The following TMEM132B variants were observed in gnomAD, a reference collection of about 807,000 sequenced individuals.
TMEM132B encodes transmembrane protein 132B.
A neutral mutation model predicts 90.8 loss-of-function variants in TMEM132B; 18 were observed. That is an observed-to-expected ratio of 0.20 (90% CI 0.14 to 0.29). The LOEUF (loss-of-function observed/expected upper bound fraction) is 0.29. Among genes scored for constraint, TMEM132B ranks in the 10% least tolerant of loss-of-function variants. The pLI, the probability that TMEM132B is intolerant of heterozygous loss-of-function variation, is 1.00. For synonymous variants in TMEM132B, 504 were observed against 523.3 expected, an observed-to-expected ratio of 0.96 and a Z score of 0.50; for missense variants, 1,096 against 1,326.8, an observed-to-expected ratio of 0.83 and a Z score of 2.70.
chr12:125,295,310 T>C (rs1232845875), intron 1 of TMEM132B, among the ~76,000 whole-genome samples: 1 of 152,108 alleles, frequency 6.6e-6, no homozygotes, highest in Non-Finnish European at 1.5e-5. Flanking sequence ...CAGGGATCTA[T>C]GAGATGTTCG....
At chr12:125,443,638 A>T (rs947819134) in intron 3 of TMEM132B, among the ~76,000 whole-genome samples, 3 of 152,202 alleles carry the variant, frequency 2.0e-5, no homozygotes, top group Non-Finnish European at 2.9e-5. Flanking sequence ...GTTTCTTAAG[A>T]TAGAAAGTGA....
At chr12:125,622,916 C>G (rs1407308206) in intron 5 of TMEM132B, among the ~76,000 whole-genome samples, 1 of 152,148 alleles carries the variant, frequency 6.6e-6, no homozygotes, top group Non-Finnish European at 1.5e-5. Flanking sequence ...TTAGAAAACA[C>G]AAGCCCTGCA....
chr12:125,391,889 C>T (rs2136303753), intron 2 of TMEM132B, among the ~76,000 whole-genome samples: 1 of 152,172 alleles, frequency 6.6e-6, no homozygotes, highest in East Asian at 1.9e-4. Context: ...GCCTTAGCCT[C>T]CTGAGTAGCT....
At chr12:125,325,669 CTGTGTGTGTGTGTGTGTGTGTGTG>C (rs59220510) in intron 1 of TMEM132B, among the ~76,000 whole-genome samples, 10 of 124,318 alleles carry the variant, frequency 8.0e-5, no homozygotes, top group Non-Finnish European at 1.2e-4. Context: ...GCCTCCCACC[CTGTGTGTGTGTGTGTGTGTGTGTG>C]TGTGTGTGTG....
chr12:125,205,169 T>G (rs1448229216), intron 1 of TMEM132B, among the ~76,000 whole-genome samples: 4 of 134,814 alleles, frequency 3.0e-5, no homozygotes, highest in South Asian at 2.5e-4. Flanking sequence ...AGGGCTCCAT[T>G]AACCAGGCAC....
intron 1 of TMEM132B, among the ~76,000 whole-genome samples, chr12:125,228,898 T>C (rs1873747414): frequency 6.6e-6 from 1 of 152,312 alleles, no homozygotes; most frequent in Non-Finnish European, 1.5e-5. Flanking sequence ...GTACTGGGGC[T>C]TCTTTGACTA....
rs150450795 is a variant in TMEM132B, at chr12:125,574,121, T to C, written c.1294-9730T>C. ...ATGAACTGATGACCTTGTTTGGGCA[T>C]CTCTCTCAGTAAAGATACCCATAGG... is the stretch of plus-strand genomic sequence containing the variant. On this transcript the variant is annotated intron_variant, in intron 4 of 8. Coordinates refer to ENST00000682704, the MANE Select transcript of TMEM132B (RefSeq NM_001366854.1). 3.4e-3 allele frequency among the ~76,000 whole-genome samples: 519 copies of C among 152,158 alleles called. 3 individuals are homozygous for C. Among genetic ancestry groups the C allele is most frequent in the Non-Finnish European group, 5.5e-3 (374 of 67,982 alleles).
intron 2 of TMEM132B, among the ~76,000 whole-genome samples, chr12:125,353,765 C>A (rs928649171): frequency 6.6e-6 from 1 of 152,056 alleles, no homozygotes; most frequent in South Asian, 2.1e-4. Context: ...CAAGGAGGGG[C>A]CCAGTCAGGC....
At chr12:125,491,621 A>G (rs1040894789) in intron 3 of TMEM132B, among the ~76,000 whole-genome samples, 2 of 152,228 alleles carry the variant, frequency 1.3e-5, no homozygotes, top group Non-Finnish European at 2.9e-5. Context: ...TGTCTCAGAT[A>G]TGGCTTCCTG....
chr12:125,295,618 G>A (rs1875655820), intron 1 of TMEM132B, among the ~76,000 whole-genome samples: 3 of 152,056 alleles, frequency 2.0e-5, no homozygotes, highest in Admixed American at 1.3e-4. Flanking sequence ...ATGATGTCTT[G>A]TATCTCCTTA....
chr12:125,339,036 A>G (rs1411647039), intron 1 of TMEM132B, among the ~76,000 whole-genome samples: 5 of 152,110 alleles, frequency 3.3e-5, no homozygotes, highest in Non-Finnish European at 7.4e-5. Context: ...CACACTCTCA[A>G]TGTGTAGATC....
At chr12:125,626,473 A>G (rs557516838) in intron 5 of TMEM132B, among the ~76,000 whole-genome samples, 1 of 152,310 alleles carries the variant, frequency 6.6e-6, no homozygotes, top group South Asian at 2.1e-4. Flanking sequence ...GCTTTTCTCC[A>G]TAGTGGTTGT....
At chr12:125,228,196 G>T (rs1371459024) in intron 1 of TMEM132B, among the ~76,000 whole-genome samples, 2 of 152,044 alleles carry the variant, frequency 1.3e-5, no homozygotes, top group African/African-American at 2.4e-5. Context: ...TCCGCCTCTC[G>T]GTTTCCGAGC....
At chr12:125,501,528 TCCCCA>T (rs905949962) in intron 3 of TMEM132B, among the ~76,000 whole-genome samples, 2 of 152,152 alleles carry the variant, frequency 1.3e-5, no homozygotes, top group African/African-American at 4.8e-5. Flanking sequence ...GGTCTCCCTT[TCCCCA>T]CCCCACCCCC....
chr12:125,277,582 G>A lies in TMEM132B; in HGVS notation c.68-71870G>A, dbSNP rs762151458. On this transcript the variant is annotated intron_variant, in intron 1 of 8. Coordinates refer to ENST00000682704, the MANE Select transcript of TMEM132B (RefSeq NM_001366854.1). This position sits in a 1 kb window ranked among gnomAD's most constrained non-coding sequence, Gnocchi z 4.3. ...AAGATGCAGCAGAGATTGGAGTGAC[G>A]TGCCTACATGCCAGGGAACACCAAG... Among the ~76,000 whole-genome samples, 6 of 151,504 alleles carry A rather than the reference G, an allele frequency of 4.0e-5. No homozygotes were observed. Among genetic ancestry groups the A allele is most frequent in the Non-Finnish European group, 5.9e-5 (4 of 67,960 alleles).
chr12:125,635,672 G>A (rs1886462972), intron 5 of TMEM132B, among the ~76,000 whole-genome samples: 1 of 152,138 alleles, frequency 6.6e-6, no homozygotes, highest in African/African-American at 2.4e-5. Flanking sequence ...TGGGATTGCT[G>A]GGTCAAATGG....
At chr12:125,619,429 A>C in intron 5 of TMEM132B, among the ~76,000 whole-genome samples, 1 of 151,856 alleles carries the variant, frequency 6.6e-6, no homozygotes, top group Non-Finnish European at 1.5e-5. Context: ...CACTGACACG[A>C]TCTCGGCTCA....
chr12:125,326,575 T>A, intron 1 of TMEM132B: 5 of 1,582,250 alleles, frequency 3.2e-6, no homozygotes, highest in Non-Finnish European at 4.3e-6. Context: ...GGGTGTTGAA[T>A]AAAGCTGAAG....
At chr12:125,448,379 A>G (rs7980560) in intron 3 of TMEM132B, among the ~76,000 whole-genome samples, 83,761 of 152,040 alleles carry the variant, frequency 0.55, 24,519 homozygotes, top group African/African-American at 0.76. Context: ...CCAATCAGAC[A>G]TTCCTACTCC....
Sources: allele counts gnomAD v4.1 joint callset (sites outside exome capture counted in the v4.1 genomes callset), GRCh38; gene constraint gnomAD v4.1.1; non-coding constraint Gnocchi (gnomAD v3.1); transcripts MANE v1.5; gene names NCBI Gene and HGNC (gene_info 2026-07-23, HGNC 2026-07-21).